Variants in SLC41A3 observed in about 807,000 individuals in gnomAD.
The protein encoded by SLC41A3 is SLC41A1-like 2.
A neutral mutation model predicts 45.4 loss-of-function variants in SLC41A3; 44 were observed. That is an observed-to-expected ratio of 0.97 (90% CI 0.76 to 1.25). The LOEUF (loss-of-function observed/expected upper bound fraction) is 1.25. Among genes scored for constraint, SLC41A3 ranks in the 50% most tolerant of loss-of-function variants. The probability of loss-of-function intolerance (pLI) is 0.00; values close to 1 mark genes in which losing one functional copy is unlikely to be tolerated. For synonymous variants in SLC41A3, 256 were observed against 252.4 expected, an observed-to-expected ratio of 1.01 and a Z score of -0.13; for missense variants, 550 against 600.6, an observed-to-expected ratio of 0.92 and a Z score of 0.88.
chr3:126,066,701 G>A (rs1432444209), intron 2 of SLC41A3, among the ~76,000 whole-genome samples: 1 of 152,168 alleles, frequency 6.6e-6, no homozygotes, highest in Non-Finnish European at 1.5e-5. Context: ...TGGAAGGCCG[G>A]GGTGTTGCAT....
At chr3:126,048,223 G>C (rs1244492717) in intron 3 of SLC41A3, among the ~76,000 whole-genome samples, 1 of 152,096 alleles carries the variant, frequency 6.6e-6, no homozygotes, top group Non-Finnish European at 1.5e-5. Flanking sequence ...TTGCCATTCA[G>C]GAACTTCTCT....
intron 6 of SLC41A3, among the ~76,000 whole-genome samples, chr3:126,018,474 C>T (rs1022185863): frequency 1.6e-4 from 25 of 152,338 alleles, no homozygotes; most frequent in Non-Finnish European, 2.2e-4. Flanking sequence ...TGCTGGCAGG[C>T]AACACCAGGA....
chr3:126,033,426 G>C (rs1941948808), intron 4 of SLC41A3, among the ~76,000 whole-genome samples, 181 bp downstream of exon 4: 1 of 152,068 alleles, frequency 6.6e-6, no homozygotes, highest in South Asian at 2.1e-4. Context: ...GCTTCAGGTG[G>C]GCTGAGCCTC....
intron 3 of SLC41A3, among the ~76,000 whole-genome samples, chr3:126,049,754 CAAAAG>C (rs1368541244): frequency 6.6e-6 from 1 of 152,148 alleles, no homozygotes; most frequent in African/African-American, 2.4e-5. Flanking sequence ...TGGCTTAAAA[CAAAAG>C]AAATCTATCC....
upstream of SLC41A3, among the ~76,000 whole-genome samples, chr3:126,087,541 A>G (rs1429197998): frequency 6.6e-6 from 1 of 152,042 alleles, no homozygotes; most frequent in Non-Finnish European, 1.5e-5. Flanking sequence ...TTTAAAGGTT[A>G]TGTATAAAAC....
At chr3:126,072,939 G>GA (rs1559884365) in intron 1 of SLC41A3, among the ~76,000 whole-genome samples, 1 of 152,160 alleles carries the variant, frequency 6.6e-6, no homozygotes, top group Non-Finnish European at 1.5e-5. Flanking sequence ...ATGCAGCCAT[G>GA]AAAAAACAAG....
chr3:126,026,506 A>T lies in SLC41A3; in HGVS notation c.454-27T>A. ...TGTTGGACAGAAATCAGAAGCATGA[A>T]GGGGGGCCCCGGGGCCACAGCCACA... On this transcript the variant is annotated intron_variant, in intron 4 of 10. Coordinates refer to ENST00000360370, the MANE Select transcript of SLC41A3 (RefSeq NM_017836.4). The surrounding 1 kb of genome is among the most constrained non-coding windows in gnomAD (Gnocchi z 4.2). 4 of 1,590,016 alleles carry T rather than the reference A, an allele frequency of 2.5e-6. No homozygotes were observed. Among genetic ancestry groups the T allele is most frequent in the East Asian group, 4.6e-5 (2 of 43,812 alleles).
intron 1 of SLC41A3, 133 bp downstream of exon 1, chr3:126,083,960 C>CCGGCGCCCGGCTCACT (rs1176641323): frequency 3.3e-5 from 5 of 150,144 alleles, no homozygotes; most frequent in Non-Finnish European, 7.4e-5. Context: ...CCCCCAGGGC[C>CCGGCGCCCGGCTCACT]CGGCGCCCGG....
chr3:126,065,495 GT>G (rs1944303734), intron 2 of SLC41A3, among the ~76,000 whole-genome samples: 1 of 152,226 alleles, frequency 6.6e-6, no homozygotes, highest in Non-Finnish European at 1.5e-5. Flanking sequence ...CACGACAGCT[GT>G]GTACACCCAC....
At chr3:126,050,213 G>A (rs1465016887) in intron 3 of SLC41A3, among the ~76,000 whole-genome samples, 13 of 152,056 alleles carry the variant, frequency 8.5e-5, no homozygotes, top group Admixed American at 4.6e-4. Flanking sequence ...CCTCATGTTC[G>A]GCAGCCCCCT....
intron 8 of SLC41A3, 64 bp downstream of exon 8, chr3:126,015,430 G>T: frequency 6.4e-7 from 1 of 1,565,484 alleles, no homozygotes; most frequent in Non-Finnish European, 8.8e-7. Flanking sequence ...TGCTGTTCCG[G>T]TCCAACCCAA....
chr3:126,054,511 C>A (rs1943536860), intron 2 of SLC41A3, among the ~76,000 whole-genome samples: 3 of 152,138 alleles, frequency 2.0e-5, no homozygotes, highest in Non-Finnish European at 2.9e-5. Flanking sequence ...CCCCTCACTC[C>A]TGCCCAGTAT....
intron 1 of SLC41A3, among the ~76,000 whole-genome samples, chr3:126,070,784 A>AATCC (rs1237448297): frequency 1.3e-5 from 2 of 152,204 alleles, no homozygotes; most frequent in African/African-American, 4.8e-5. Context: ...CACTAGCTAG[A>AATCC]ATCCACACAG....
At chr3:126,008,073 G>C (rs769851834) in intron 10 of SLC41A3, among the ~76,000 whole-genome samples, 8 of 152,266 alleles carry the variant, frequency 5.3e-5, no homozygotes, top group Non-Finnish European at 1.2e-4. Context: ...TGGGGAGGCA[G>C]TGGATAGCTG....
At chr3:126,077,381 AAAATAAAT>A (rs1285577050) in intron 1 of SLC41A3, among the ~76,000 whole-genome samples, 1 of 152,144 alleles carries the variant, frequency 6.6e-6, no homozygotes, top group Non-Finnish European at 1.5e-5. Flanking sequence ...CTCTGTCTCA[AAAATAAAT>A]AAATAAATAA....
Position 126,026,226 on chromosome 3 carries a change from A to C in SLC41A3, c.598+109T>G. 1 of 1,465,562 alleles carries C rather than the reference A, an allele frequency of 6.8e-7. No homozygotes were observed. The highest frequency in any genetic ancestry group is 9.2e-7 in the Non-Finnish European group (1 of 1,092,626). 90.8% of individuals were successfully genotyped at this position (1,465,562 alleles called of 1,614,324 possible). ...GAACCCTGAGCCCACCATCAGTCCC[A>C]TTAGCAGTGGGACTCACACCCCCAG... On this transcript the variant is annotated intron_variant, in intron 5 of 10. Coordinates refer to ENST00000360370, the MANE Select transcript of SLC41A3 (RefSeq NM_017836.4). This position sits in a 1 kb window ranked among gnomAD's most constrained non-coding sequence, Gnocchi z 4.2.
At chr3:126,084,622 G>A (rs999751401), upstream of SLC41A3, among the ~76,000 whole-genome samples, 4 of 152,054 alleles carry the variant, frequency 2.6e-5, no homozygotes, top group African/African-American at 9.7e-5. Context: ...TTAAATACTC[G>A]AGTATGTTTA....
At chr3:126,029,486 T>A (rs1353134977) in intron 4 of SLC41A3, among the ~76,000 whole-genome samples, 1 of 150,300 alleles carries the variant, frequency 6.7e-6, no homozygotes, top group Non-Finnish European at 1.5e-5. Flanking sequence ...GATCCCAGTA[T>A]CATGCTTCCT....
chr3:126,100,836 C>T (rs1945693626), intron 1 of SLC41A3, among the ~76,000 whole-genome samples: 1 of 152,224 alleles, frequency 6.6e-6, no homozygotes, highest in African/African-American at 2.4e-5. Flanking sequence ...AGTCTGGATA[C>T]AACCACACTC....
Sources: allele counts gnomAD v4.1 joint callset (sites outside exome capture counted in the v4.1 genomes callset), GRCh38; gene constraint gnomAD v4.1.1; non-coding constraint Gnocchi (gnomAD v3.1); transcripts MANE v1.5; gene names NCBI Gene and HGNC (gene_info 2026-07-23, HGNC 2026-07-21).